Variants in FOXP2 observed in about 807,000 individuals in gnomAD.
FOXP2 encodes the protein forkhead box protein P2.
A neutral mutation model predicts 115.8 loss-of-function variants in FOXP2; 12 were observed. The observed-to-expected ratio is 0.10, with a 90% CI of 0.07 to 0.17. The LOEUF is 0.17. Ranked by LOEUF, FOXP2 falls within the 10% of genes least tolerant of loss-of-function variation. The pLI, the probability that FOXP2 is intolerant of heterozygous loss-of-function variation, is 1.00. For synonymous variants in FOXP2, 328 were observed against 297.7 expected, an observed-to-expected ratio of 1.10 and a Z score of -1.05; for missense variants, 629 against 843.5, an observed-to-expected ratio of 0.75 and a Z score of 3.15.
At chr7:114,176,248 C>CTT (rs1562992772) in intron 1 of FOXP2, among the ~76,000 whole-genome samples, 48 of 149,376 alleles carry the variant, frequency 3.2e-4, no homozygotes, top group African/African-American at 1.2e-3. Context: ...TTCTTTCTTT[C>CTT]TCTCTCTCTC....
chr7:114,624,307 G>A (rs1003123711), intron 3 of FOXP2, among the ~76,000 whole-genome samples: 4 of 151,770 alleles, frequency 2.6e-5, no homozygotes, highest in Admixed American at 6.6e-5. Context: ...TACCAAGAAG[G>A]CAAAAGAGTC....
At chr7:114,523,598 GT>G (rs1276071684) in intron 2 of FOXP2, among the ~76,000 whole-genome samples, 1 of 152,058 alleles carries the variant, frequency 6.6e-6, no homozygotes, top group Non-Finnish European at 1.5e-5. Flanking sequence ...CCGAAGTTTT[GT>G]TTTTTTCTCT....
chr7:114,597,296 C>T (rs1185701005), intron 3 of FOXP2, among the ~76,000 whole-genome samples: 8 of 152,042 alleles, frequency 5.3e-5, no homozygotes, highest in Non-Finnish European at 1.0e-4. Flanking sequence ...TCTCTTCATA[C>T]TTATACAGTT....
chr7:114,232,407 G>A (rs1043007169), intron 1 of FOXP2, among the ~76,000 whole-genome samples: 1 of 152,152 alleles, frequency 6.6e-6, no homozygotes. Flanking sequence ...AGAGATATTA[G>A]CACTCACATG....
intron 1 of FOXP2, among the ~76,000 whole-genome samples, chr7:114,283,568 A>C (rs1210177487): frequency 6.6e-6 from 1 of 152,184 alleles, no homozygotes. Flanking sequence ...AGAAGACAAT[A>C]GAGTAGAAAA....
At chr7:114,608,862 T>C (rs896871151) in intron 3 of FOXP2, among the ~76,000 whole-genome samples, 16 of 152,108 alleles carry the variant, frequency 1.1e-4, no homozygotes, top group African/African-American at 3.9e-4. Context: ...CAAAATTCAC[T>C]ACCAGATGCA....
At chr7:114,107,721 T>G (rs762009735) in intron 1 of FOXP2, among the ~76,000 whole-genome samples, 4 of 151,970 alleles carry the variant, frequency 2.6e-5, no homozygotes, top group Admixed American at 6.6e-5. Flanking sequence ...GTGGTTACTG[T>G]GTGTGGGTAG....
rs5886693 is a variant in FOXP2, at chr7:114,101,899, TTGTGTGTGTGTGTGTG to T, written c.-247+14087_-247+14102del. On this transcript the variant is annotated intron_variant, in intron 1 of 19. Coordinates refer to the FOXP2 transcript ENST00000635638. ...TGATTTTCCATTTCGCTTCAACATT[TTGTGTGTGTGTGTGTG>T]TGTGTGTGTGTGTGTGTGTGTGTGT... 7.8e-3 allele frequency among the ~76,000 whole-genome samples: 1,113 copies of T among 142,520 alleles called. 11 individuals are homozygous for T. Among genetic ancestry groups the T allele is most frequent in the African/African-American group, 0.026 (1,025 of 39,066 alleles). 93.5% of individuals were successfully genotyped at this position (142,520 alleles called of 152,430 possible). A position where few individuals can be genotyped will look rare whatever the true frequency, so the allele number is the denominator to read the frequency against.
At chr7:114,579,144 A>G (rs1456521950) in intron 3 of FOXP2, among the ~76,000 whole-genome samples, 1 of 152,194 alleles carries the variant, frequency 6.6e-6, no homozygotes, top group African/African-American at 2.4e-5. Context: ...ATATGTATTA[A>G]CAATTAAAAA....
At chr7:114,302,065 C>T (rs1365588272) in intron 2 of FOXP2, among the ~76,000 whole-genome samples, 1 of 152,026 alleles carries the variant, frequency 6.6e-6, no homozygotes, top group Non-Finnish European at 1.5e-5. Flanking sequence ...GAAGTCAACC[C>T]ATAATTTACT....
chr7:114,506,253 T>C (rs565131167), intron 2 of FOXP2, among the ~76,000 whole-genome samples: 1 of 151,894 alleles, frequency 6.6e-6, no homozygotes, highest in South Asian at 2.1e-4. Context: ...CTATATGAAC[T>C]TTGGCAAGAT....
At chr7:114,366,072 A>G (rs985097127) in intron 2 of FOXP2, among the ~76,000 whole-genome samples, 6 of 152,186 alleles carry the variant, frequency 3.9e-5, no homozygotes, top group Admixed American at 3.9e-4. Context: ...AACTCCATGC[A>G]GAAAAACGTG....
chr7:114,285,566 A>G (rs1169535209), intron 1 of FOXP2: 1 of 152,104 alleles, frequency 6.6e-6, no homozygotes, highest in Non-Finnish European at 1.5e-5. Flanking sequence ...GGTCTTCCAA[A>G]TTGTTTTGAA....
intron 2 of FOXP2, among the ~76,000 whole-genome samples, chr7:114,526,813 C>T (rs1562977149): frequency 6.6e-6 from 1 of 152,082 alleles, no homozygotes; most frequent in Admixed American, 6.6e-5. Flanking sequence ...TTATGTATCA[C>T]AAAACCTACC....
chr7:114,463,992 A>G (rs1410411043), intron 2 of FOXP2, among the ~76,000 whole-genome samples: 3 of 152,214 alleles, frequency 2.0e-5, no homozygotes, highest in Admixed American at 6.5e-5. Context: ...CTTTGGATTG[A>G]AAACATGCTA....
intron 7 of FOXP2, 61 bp from the exon 8 acceptor site, chr7:114,644,624 A>G (rs1366888642): frequency 4.4e-6 from 6 of 1,370,888 alleles, no homozygotes; most frequent in Non-Finnish European, 5.2e-6. Context: ...GACAGGCGCT[A>G]GCAGCCTGCA....
chr7:114,236,342 T>A (rs1795006648), intron 1 of FOXP2, among the ~76,000 whole-genome samples: 3 of 152,212 alleles, frequency 2.0e-5, no homozygotes, highest in Non-Finnish European at 4.4e-5. Flanking sequence ...TATTTGGAAA[T>A]TTTTATATTC....
At chr7:114,262,523 A>G (rs1355227513) in intron 1 of FOXP2, among the ~76,000 whole-genome samples, 2 of 152,178 alleles carry the variant, frequency 1.3e-5, no homozygotes, top group African/African-American at 4.8e-5. Context: ...TCCTGAATCT[A>G]AAATAAGAGA....
chr7:114,486,421 T>C (rs1291071214), intron 2 of FOXP2, among the ~76,000 whole-genome samples: 1 of 152,018 alleles, frequency 6.6e-6, no homozygotes, highest in Non-Finnish European at 1.5e-5. Flanking sequence ...ATGGAAGCTA[T>C]AATTCAAGAT....
Sources: gnomAD v4.1 joint callset for allele counts (sites outside exome capture counted in the v4.1 genomes callset) on GRCh38, gnomAD v4.1.1 for gene constraint, MANE v1.5 for transcripts, NCBI Gene and HGNC (gene_info 2026-07-23, HGNC 2026-07-21) for gene names.